The following SLIT3 variants were observed in gnomAD, a reference collection of about 807,000 sequenced individuals.
The protein encoded by SLIT3 is slit homolog 3 protein.
Under a neutral mutation model 184.0 loss-of-function variants are expected in SLIT3, and 68 were observed. The observed-to-expected ratio is 0.37, with a 90% CI of 0.30 to 0.45. The LOEUF (loss-of-function observed/expected upper bound fraction) is 0.45. SLIT3 is among the 20% of genes least tolerant of loss of function. The pLI is 1.00. For synonymous variants in SLIT3, 831 were observed against 828.6 expected (o/e 1.00, Z -0.05); for missense variants, 1,707 against 2,026.0 (o/e 0.84, Z 3.02).
At chr5:168,949,363 G>T (rs1762577884) in intron 4 of SLIT3, among the ~76,000 whole-genome samples, 1 of 152,160 alleles carries the variant, frequency 6.6e-6, no homozygotes, top group South Asian at 2.1e-4. Context: ...GCTCCATGAA[G>T]TTCATATCTG....
At chr5:168,951,353 C>T (rs772611675) in intron 4 of SLIT3, among the ~76,000 whole-genome samples, 18 of 152,148 alleles carry the variant, frequency 1.2e-4, no homozygotes, top group Non-Finnish European at 2.2e-4. Context: ...GGTTCTGTCC[C>T]TTTATCTCAG....
Position 168,663,293 on chromosome 5 carries a change from A to C in SLIT3, c.*3161T>G, listed in dbSNP as rs1467255034. 1 of 133,230 alleles carries C rather than the reference A, an allele frequency of 7.5e-6. No individual in the cohort carries two copies. Among genetic ancestry groups the C allele is most frequent in the African/African-American group, 2.7e-5 (1 of 36,830 alleles). The allele number at this position is 133,230 out of a possible 1,614,324, so 8.3% of individuals were successfully genotyped here. A position where few individuals can be genotyped will look rare whatever the true frequency, so the allele number is the denominator to read the frequency against. On this transcript the variant is annotated 3_prime_UTR_variant, in exon 36 of 36. Transcript: ENST00000519560. ...CCACCTGCCTAGGGGGAGAGGGGGG[A>C]TGGGGCAATGGAGGTGGGGATGGGG...
Position 168,707,989 on chromosome 5 carries a change from G to A in SLIT3, c.2831C>T (p.Pro944Leu). The A allele has an allele frequency of 6.2e-7, 1 of 1,614,144 alleles. No homozygotes were observed. Among genetic ancestry groups the A allele is most frequent in the South Asian group, 1.1e-5 (1 of 91,084 alleles). ...CCTCCAGCATACCTTGTAGCTGTAG[G>A]GGCAGGCACAGCGGTACAGCTCCAC... ...DPVELYRCAC[P>L]YSYKGKDCTV... The change falls in exon 26 of 36, where the codon CCC (proline) becomes CTC (leucine). Residue 944 changes from proline (P) to leucine (L), a missense_variant. Physicochemically the swap from Pro to Leu is moderately conservative, Grantham distance 98 (BLOSUM62 -3). Around this residue, in one of 3 missense-constraint regions of SLIT3, gnomAD observed 1,307 missense variants for 1,511.6 expected, o/e 0.86. Coordinates refer to ENST00000519560, the MANE Select transcript of SLIT3 (RefSeq NM_003062.4).
chr5:169,253,101 G>T (rs1765833080), intron 1 of SLIT3, among the ~76,000 whole-genome samples: 1 of 151,688 alleles, frequency 6.6e-6, no homozygotes, highest in South Asian at 2.1e-4. Flanking sequence ...AAAAAGCATA[G>T]CAAGAATTAC....
intron 4 of SLIT3, among the ~76,000 whole-genome samples, chr5:169,078,847 C>T (rs1368891240): frequency 6.6e-6 from 1 of 152,176 alleles, no homozygotes; most frequent in East Asian, 1.9e-4. Flanking sequence ...TTCCTGTCCT[C>T]AAGGAGCTGT....
At chr5:169,043,855 G>C (rs749188135) in intron 4 of SLIT3, among the ~76,000 whole-genome samples, 1 of 152,216 alleles carries the variant, frequency 6.6e-6, no homozygotes, top group Non-Finnish European at 1.5e-5. Context: ...AGCAGTGAGA[G>C]TCATCCGAAC....
intron 4 of SLIT3, among the ~76,000 whole-genome samples, chr5:168,888,009 G>T (rs1760288298): frequency 6.6e-6 from 1 of 152,138 alleles, no homozygotes; most frequent in African/African-American, 2.4e-5. Flanking sequence ...TTTGATTCTA[G>T]ATTCTTTTGG....
At chr5:169,140,759 C>T (rs937859844) in intron 4 of SLIT3, among the ~76,000 whole-genome samples, 9 of 152,108 alleles carry the variant, frequency 5.9e-5, no homozygotes, top group African/African-American at 9.7e-5. Context: ...ATGATCACGC[C>T]GTCGCATTCC....
chr5:169,232,639 A>C (rs1403110433), intron 3 of SLIT3, among the ~76,000 whole-genome samples: 1 of 152,204 alleles, frequency 6.6e-6, no homozygotes, highest in African/African-American at 2.4e-5. Flanking sequence ...TGGTTACCCA[A>C]TTACTCTAGC....
At chr5:169,170,845 G>C (rs1213889634) in intron 4 of SLIT3, among the ~76,000 whole-genome samples, 1 of 152,160 alleles carries the variant, frequency 6.6e-6, no homozygotes, top group Non-Finnish European at 1.5e-5. Flanking sequence ...GGAGAACAAG[G>C]GTGGTTTTTC....
In SLIT3 at chr5:168,673,089, C is replaced by T. The variant is rs148939411; in HGVS notation, c.3841+88G>A. ...TGTCCCTTCCTCCAGGAAGCCTTCC[C>T]TGATTGGCTTTGGCAGTGGCCTGGG... On this transcript the variant is annotated intron_variant, in intron 33 of 35. Coordinates refer to ENST00000519560, the MANE Select transcript of SLIT3 (RefSeq NM_003062.4). 242 of 1,328,428 alleles carry T rather than the reference C, an allele frequency of 1.8e-4. No homozygotes were observed. In the African/African-American group the frequency reaches 2.2e-3, roughly 12 times the overall value. The allele number at this position is 1,328,428 out of a possible 1,614,324, so 82.3% of individuals were successfully genotyped here.
chr5:169,048,660 C>A (rs1268355277), intron 4 of SLIT3, among the ~76,000 whole-genome samples: 1 of 152,204 alleles, frequency 6.6e-6, no homozygotes, highest in Non-Finnish European at 1.5e-5. Flanking sequence ...AAAGCAACAT[C>A]ATACCCAAGT....
rs572818467 is a variant in SLIT3, at chr5:169,105,963, G to T, written c.413+87516C>A. ...AATAGAATGATTTATATTTCTTTGG[G>T]TATATAACCAGTAATGGGATGGCTG... On this transcript the variant is annotated intron_variant, in intron 4 of 35. Coordinates refer to ENST00000519560, the MANE Select transcript of SLIT3 (RefSeq NM_003062.4). Among the ~76,000 whole-genome samples the T allele has an allele frequency of 9.9e-5, 15 of 151,352 alleles. No individual in the cohort carries two copies. The South Asian group carries it at 3.1e-3, about 32-fold the overall frequency.
chr5:168,674,582 G>A (rs948027010), intron 32 of SLIT3, among the ~76,000 whole-genome samples: 3 of 147,156 alleles, frequency 2.0e-5, no homozygotes, highest in African/African-American at 7.6e-5. Context: ...ACCTCTGCCT[G>A]CTGGGTTCAA....
intron 14 of SLIT3, 147 bp from the exon 15 acceptor site, chr5:168,762,836 A>T: frequency 1.3e-6 from 1 of 750,178 alleles, no homozygotes; most frequent in African/African-American, 1.7e-5. Context: ...CGCCTTTGCT[A>T]TATGGCCACC....
rs761711964 is a variant in SLIT3, at chr5:168,692,705, C to G, written c.3083-5G>C. ...TCACCTCGTCGCATAGCTCACCTGG[C>G]ACAGATGGGGGAGATAGCTCAGGCC... On this transcript the variant is annotated splice_polypyrimidine_tract_variant and splice_region_variant and intron_variant, in intron 28 of 35. Coordinates refer to ENST00000519560, the MANE Select transcript of SLIT3 (RefSeq NM_003062.4). 2 of 1,611,292 alleles carry G rather than the reference C, an allele frequency of 1.2e-6. No individual in the cohort carries two copies. The highest frequency in any genetic ancestry group is 1.7e-6 in the Non-Finnish European group (2 of 1,177,620).
At chr5:168,849,268 T>G (rs1304126643) in intron 5 of SLIT3, among the ~76,000 whole-genome samples, 3 of 152,170 alleles carry the variant, frequency 2.0e-5, no homozygotes, top group Non-Finnish European at 2.9e-5. Context: ...GCCCAGCATC[T>G]CATCAGGTGG....
chr5:168,713,460 C>T (rs1762623613), intron 23 of SLIT3, among the ~76,000 whole-genome samples: 1 of 152,190 alleles, frequency 6.6e-6, no homozygotes, highest in Non-Finnish European at 1.5e-5. Flanking sequence ...TAATCATCAA[C>T]TGCATAAAAA....
At chr5:169,145,036 C>T (rs1336137246) in intron 4 of SLIT3, among the ~76,000 whole-genome samples, 1 of 152,106 alleles carries the variant, frequency 6.6e-6, no homozygotes, top group African/African-American at 2.4e-5. Context: ...TTAATTGCCC[C>T]TTAATGAAGG....
Sources: allele counts gnomAD v4.1 joint callset (sites outside exome capture counted in the v4.1 genomes callset), GRCh38; gene constraint gnomAD v4.1.1; regional missense constraint gnomAD v4.1.1; transcripts MANE v1.5; gene names NCBI Gene and HGNC (gene_info 2026-07-23, HGNC 2026-07-21).